The following MICU3 variants were observed in gnomAD, a reference collection of about 807,000 sequenced individuals.
MICU3 encodes mitochondrial calcium uptake 3.
In MICU3, 62 loss-of-function variants were observed where a neutral mutation model predicts 66.5. The ratio of observed to expected loss-of-function variants is 0.93; its 90% CI spans 0.76 to 1.15. The LOEUF (loss-of-function observed/expected upper bound fraction) is 1.15, where lower values mean the gene tolerates loss of function less well. Ranked by LOEUF, MICU3 falls within the 50% of genes most tolerant of loss-of-function variation. The probability of loss-of-function intolerance (pLI) is 0.00; values close to 1 mark genes in which losing one functional copy is unlikely to be tolerated. For missense variants in MICU3, 779 were observed against 664.4 expected (o/e 1.17, Z -1.90); for synonymous variants, 308 against 240.7 (o/e 1.28, Z -2.59).
chr8:17,035,898 T>C (rs1812890509), intron 1 of MICU3, among the ~76,000 whole-genome samples: 1 of 152,144 alleles, frequency 6.6e-6, no homozygotes, highest in African/African-American at 2.4e-5. Flanking sequence ...AGAATGTCTC[T>C]AGGCAAGGTC....
At chr8:17,098,685 T>A (rs1021068494) in intron 9 of MICU3, 132 bp downstream of exon 9, 14 of 634,042 alleles carry the variant, frequency 2.2e-5, no homozygotes, top group Admixed American at 1.4e-4. Context: ...CAGCAAAAAT[T>A]ACTATATATA....
At chr8:17,113,208 TG>T (rs1469938732) in intron 11 of MICU3, among the ~76,000 whole-genome samples, 1 of 152,208 alleles carries the variant, frequency 6.6e-6, no homozygotes, top group Non-Finnish European at 1.5e-5. Flanking sequence ...GCCTTGTTAG[TG>T]TCCCTTCCTC....
chr8:17,041,025 G>A (rs1813979806), intron 1 of MICU3, among the ~76,000 whole-genome samples: 1 of 152,168 alleles, frequency 6.6e-6, no homozygotes, highest in Non-Finnish European at 1.5e-5. Context: ...GTGTCTTTTG[G>A]ACAGCTGAAG....
chr8:17,105,994 G>A (rs1801706197), intron 11 of MICU3, among the ~76,000 whole-genome samples: 1 of 152,008 alleles, frequency 6.6e-6, no homozygotes, highest in African/African-American at 2.4e-5. Context: ...GACCACCATT[G>A]ATGAGTGAGT....
chr8:17,048,935 T>G (rs1375037030), intron 1 of MICU3, among the ~76,000 whole-genome samples: 1 of 152,164 alleles, frequency 6.6e-6, no homozygotes, highest in African/African-American at 2.4e-5. Flanking sequence ...GAACCTGGCC[T>G]GGGTGCATAT....
At chr8:17,075,586 T>A (rs982496545) in intron 3 of MICU3, among the ~76,000 whole-genome samples, 6 of 152,124 alleles carry the variant, frequency 3.9e-5, no homozygotes, top group African/African-American at 1.4e-4. Flanking sequence ...ATATAAAAAA[T>A]TTAATAAATT....
At chr8:17,036,739 G>A (rs1813066965) in intron 1 of MICU3, among the ~76,000 whole-genome samples, 1 of 152,244 alleles carries the variant, frequency 6.6e-6, no homozygotes, top group African/African-American at 2.4e-5. Context: ...AGACTCAGGA[G>A]CCCAGCTGGC....
At chr8:17,049,601 A>C (rs1453013421) in intron 1 of MICU3, 10 of 518,636 alleles carry the variant, frequency 1.9e-5, no homozygotes, top group Non-Finnish European at 3.8e-5. Flanking sequence ...GAAGGGATGA[A>C]GCTGGCATTT....
chr8:17,101,106 GT>G (rs1258922004), intron 9 of MICU3, among the ~76,000 whole-genome samples: 1 of 151,630 alleles, frequency 6.6e-6, no homozygotes, highest in Non-Finnish European at 1.5e-5. Flanking sequence ...CCCTTTAATA[GT>G]TTGATATATT....
chr8:17,127,487 C>G (rs1328924794), downstream of MICU3, among the ~76,000 whole-genome samples: 2 of 40,444 alleles, frequency 4.9e-5, no homozygotes, highest in African/African-American at 3.1e-4. Context: ...AAAGCACAGC[C>G]AAATGTCAGC....
intron 11 of MICU3, among the ~76,000 whole-genome samples, chr8:17,112,137 C>A (rs537463680): frequency 1.3e-5 from 2 of 152,076 alleles, no homozygotes; most frequent in Admixed American, 1.3e-4. Context: ...TCCCTGGACA[C>A]GTGGGGATTG....
At chr8:17,088,326 C>T (rs116308438) in intron 7 of MICU3, among the ~76,000 whole-genome samples, 1,627 of 152,020 alleles carry the variant, frequency 0.011, 23 homozygotes, top group African/African-American at 0.036. Flanking sequence ...TAATTCAGGT[C>T]TCATGATTTT....
chr8:17,090,842 C>T (rs1799971004), intron 8 of MICU3, among the ~76,000 whole-genome samples: 1 of 151,950 alleles, frequency 6.6e-6, no homozygotes, highest in African/African-American at 2.4e-5. Context: ...ACAATTAAAA[C>T]ATAATAATTG....
At chr8:17,106,898 T>G (rs1216487557) in intron 11 of MICU3, among the ~76,000 whole-genome samples, 1 of 152,052 alleles carries the variant, frequency 6.6e-6, no homozygotes, top group Non-Finnish European at 1.5e-5. Flanking sequence ...CTTACCACAC[T>G]CTACTTATGT....
rs2150850163 is a variant in MICU3, at chr8:17,122,615, T to A, written c.*2328T>A. The A allele has an allele frequency of 6.6e-6, 1 of 152,112 alleles. No homozygotes were observed. Among genetic ancestry groups the A allele is most frequent in the South Asian group, 2.1e-4 (1 of 4,828 alleles). 9.4% of individuals were successfully genotyped at this position (152,112 alleles called of 1,614,324 possible). On this transcript the variant is annotated 3_prime_UTR_variant, in exon 15 of 15. Transcript: ENST00000318063. Reference sequence around the variant, plus strand: ...CTTACATTCTTACATTATCTTAAAATAAATATTTCTGCCCTTGAATCAAGA... The same window carrying A: ...CTTACATTCTTACATTATCTTAAAAAAAATATTTCTGCCCTTGAATCAAGA...
At chr8:17,066,112 G>C (rs941957381) in intron 2 of MICU3, among the ~76,000 whole-genome samples, 1 of 151,724 alleles carries the variant, frequency 6.6e-6, no homozygotes, top group Non-Finnish European at 1.5e-5. Context: ...TGTGATAAGT[G>C]TTATATCCTT....
chr8:17,106,174 A>T (rs73666277), intron 11 of MICU3, among the ~76,000 whole-genome samples: 1 of 152,036 alleles, frequency 6.6e-6, no homozygotes, highest in African/African-American at 2.4e-5. Context: ...ACCAAATAGA[A>T]CTAGTGTTAC....
At chr8:17,068,188 A>G (rs1453658174) in intron 2 of MICU3, among the ~76,000 whole-genome samples, 1 of 152,228 alleles carries the variant, frequency 6.6e-6, no homozygotes, top group African/African-American at 2.4e-5. Context: ...TTATATGTGC[A>G]GTAACTTCAT....
At chr8:17,119,532 C>CATAG (rs10524011) in intron 14 of MICU3, among the ~76,000 whole-genome samples, 15,554 of 124,000 alleles carry the variant, frequency 0.13, 866 homozygotes, top group East Asian at 0.15. Flanking sequence ...AAGCTTGAAG[C>CATAG]ATAGATAGAT....
Sources: gnomAD v4.1 joint callset for allele counts (sites outside exome capture counted in the v4.1 genomes callset) on GRCh38, gnomAD v4.1.1 for gene constraint, MANE v1.5 for transcripts, NCBI Gene and HGNC (gene_info 2026-07-23, HGNC 2026-07-21) for gene names.